The following ZDHHC7 variants were observed in gnomAD, a reference collection of about 807,000 sequenced individuals.
ZDHHC7 encodes zDHHC palmitoyltransferase 7, also known as palmitoyltransferase ZDHHC7.
Under a neutral mutation model 34.1 loss-of-function variants are expected in ZDHHC7, and 12 were observed. The ratio of observed to expected loss-of-function variants is 0.35; its 90% CI spans 0.23 to 0.57. The LOEUF (loss-of-function observed/expected upper bound fraction) is 0.57. Among genes scored for constraint, ZDHHC7 ranks in the 20% least tolerant of loss-of-function variants. The probability of loss-of-function intolerance (pLI) is 0.84; values close to 1 mark genes in which losing one functional copy is unlikely to be tolerated. For missense variants in ZDHHC7, 388 were observed against 402.7 expected (o/e 0.96, Z 0.31); for synonymous variants, 185 against 155.4 (o/e 1.19, Z -1.42).
intron 1 of ZDHHC7, among the ~76,000 whole-genome samples, chr16:84,998,688 G>C (rs2072615307): frequency 6.7e-6 from 1 of 148,778 alleles, no homozygotes; most frequent in Non-Finnish European, 1.5e-5. Flanking sequence ...CCAGGCCCTA[G>C]ACAAACACTG....
chr16:84,995,621 A>G (rs567897184), intron 2 of ZDHHC7, among the ~76,000 whole-genome samples: 19 of 151,198 alleles, frequency 1.3e-4, no homozygotes, highest in African/African-American at 3.9e-4. Context: ...CTGAGACTCC[A>G]TCTCAAAAAA....
chr16:85,027,329 G>A, the ZDHHC7 span, among the ~76,000 whole-genome samples: 2 of 151,964 alleles, frequency 1.3e-5, no homozygotes, highest in Non-Finnish European at 2.9e-5. Flanking sequence ...TGGTATGTTG[G>A]TTAATAACAT....
chr16:85,008,537 A>T (rs1285023620), intron 1 of ZDHHC7, among the ~76,000 whole-genome samples: 3 of 150,430 alleles, frequency 2.0e-5, no homozygotes, highest in Admixed American at 2.0e-4. Flanking sequence ...TGCAGTTGGT[A>T]TCACAAGTGA....
At chr16:85,004,491 C>A (rs970474092) in intron 1 of ZDHHC7, among the ~76,000 whole-genome samples, 1 of 152,190 alleles carries the variant, frequency 6.6e-6, no homozygotes, top group East Asian at 1.9e-4. Flanking sequence ...CCTCCCTAAG[C>A]TCATGCAATC....
At chr16:85,021,495 G>T in the ZDHHC7 span, among the ~76,000 whole-genome samples, 1 of 150,786 alleles carries the variant, frequency 6.6e-6, no homozygotes, top group African/African-American at 2.4e-5. Flanking sequence ...GATCAACTGC[G>T]GCCAGGAGTT....
chr16:84,986,167 CGAG>C (rs1474776199), intron 3 of ZDHHC7, among the ~76,000 whole-genome samples: 2 of 152,114 alleles, frequency 1.3e-5, no homozygotes, highest in Non-Finnish European at 2.9e-5. Flanking sequence ...ACGGCGTGGG[CGAG>C]GCCACCACAT....
the ZDHHC7 span, among the ~76,000 whole-genome samples, chr16:85,026,427 C>A: frequency 6.6e-6 from 1 of 152,130 alleles, no homozygotes; most frequent in Admixed American, 6.5e-5. Flanking sequence ...GTTCCAGCTT[C>A]ACATGCATGG....
chr16:84,988,832 T>C, intron 3 of ZDHHC7: 1 of 1,551,768 alleles, frequency 6.4e-7, no homozygotes, highest in Non-Finnish European at 8.7e-7. Flanking sequence ...CCAGCCCAGT[T>C]TTCACTGTGC....
chr16:84,993,603 C>G (rs550198673), intron 2 of ZDHHC7, among the ~76,000 whole-genome samples: 1 of 151,614 alleles, frequency 6.6e-6, no homozygotes, highest in Non-Finnish European at 1.5e-5. Flanking sequence ...AATCCCACCA[C>G]TGCAGTCCAG....
chr16:85,004,044 C>G (rs956418058), intron 1 of ZDHHC7, among the ~76,000 whole-genome samples: 2 of 152,132 alleles, frequency 1.3e-5, no homozygotes, highest in African/African-American at 4.8e-5. Context: ...AAAAAGATAT[C>G]TGGAAAACTC....
chr16:84,988,749 T>C (rs1448136529), intron 3 of ZDHHC7: 2 of 1,550,550 alleles, frequency 1.3e-6, no homozygotes, highest in Non-Finnish European at 8.7e-7. Flanking sequence ...CCCATGTGCC[T>C]ACCCCACACT....
At chr16:84,996,867 A>C (rs2072585522) in intron 1 of ZDHHC7, among the ~76,000 whole-genome samples, 1 of 152,068 alleles carries the variant, frequency 6.6e-6, no homozygotes, top group East Asian at 1.9e-4. Context: ...TCGCTACTAA[A>C]AATACAAAAA....
At position 84,974,638 on chromosome 16, in the gene ZDHHC7, C is replaced by T. The variant is rs997485990; in HGVS notation, c.*1705G>A. On this transcript the variant is annotated 3_prime_UTR_variant, in exon 8 of 8. Coordinates refer to ENST00000313732, the MANE Select transcript of ZDHHC7 (RefSeq NM_017740.3). Reference sequence around the variant, plus strand: ...ATTAAAAGCCTCACACTGAAGCCCACACGCATGTCCAACCCAGACAACAAT... The same window carrying T: ...ATTAAAAGCCTCACACTGAAGCCCATACGCATGTCCAACCCAGACAACAAT... 1 of 152,694 alleles carries T rather than the reference C, an allele frequency of 6.5e-6. No homozygotes were observed. Among genetic ancestry groups the T allele is most frequent in the African/African-American group, 2.4e-5 (1 of 41,448 alleles). 9.5% of individuals were successfully genotyped at this position (152,694 alleles called of 1,614,324 possible). A position where few individuals can be genotyped will look rare whatever the true frequency, so the allele number is the denominator to read the frequency against.
At chr16:84,990,976 A>T (rs2143645430) in intron 2 of ZDHHC7, among the ~76,000 whole-genome samples, 1 of 152,318 alleles carries the variant, frequency 6.6e-6, no homozygotes, top group East Asian at 1.9e-4. Context: ...GCTCTGCTGT[A>T]TCACTGCTGC....
intron 3 of ZDHHC7, among the ~76,000 whole-genome samples, chr16:84,985,738 T>C (rs1321374310): frequency 6.6e-6 from 1 of 151,958 alleles, no homozygotes; most frequent in Non-Finnish European, 1.5e-5. Flanking sequence ...GCGGATCACT[T>C]GAGGTCAAGA....
At chr16:85,027,594 A>G in the ZDHHC7 span, among the ~76,000 whole-genome samples, 1 of 151,986 alleles carries the variant, frequency 6.6e-6, no homozygotes, top group East Asian at 1.9e-4. Flanking sequence ...CGTACCCGAG[A>G]GCGCTCCCAC....
At chr16:85,017,710 G>A in the ZDHHC7 span, among the ~76,000 whole-genome samples, 1 of 152,166 alleles carries the variant, frequency 6.6e-6, no homozygotes, top group Non-Finnish European at 1.5e-5. Flanking sequence ...AAACACCAAT[G>A]GGACCTCAAC....
chr16:85,004,587 G>T (rs2072694580), intron 1 of ZDHHC7, among the ~76,000 whole-genome samples: 1 of 147,408 alleles, frequency 6.8e-6, no homozygotes, highest in African/African-American at 2.5e-5. Flanking sequence ...TCCATCTGGA[G>T]CCTGCTGGCC....
Position 84,975,852 on chromosome 16 carries a change from T to G in ZDHHC7, c.*491A>C. ...GTTCAGTGCACAGATCTTTTGCAACTTCAGTGCAAAGCATCGGAGCTAATC... is the reference window on the plus strand; with the variant it reads ...GTTCAGTGCACAGATCTTTTGCAACGTCAGTGCAAAGCATCGGAGCTAATC... On this transcript the variant is annotated 3_prime_UTR_variant, in exon 8 of 8. Coordinates refer to ENST00000313732, the MANE Select transcript of ZDHHC7 (RefSeq NM_017740.3). 5.9e-6 allele frequency: 1 copy of G among 168,532 alleles called. No homozygotes were observed. The highest frequency in any genetic ancestry group is 2.4e-5 in the African/African-American group (1 of 41,646). The allele number at this position is 168,532 out of a possible 1,614,324, so 10.4% of individuals were successfully genotyped here. A position where few individuals can be genotyped will look rare whatever the true frequency, so the allele number is the denominator to read the frequency against.
Sources: allele counts gnomAD v4.1 joint callset (sites outside exome capture counted in the v4.1 genomes callset), GRCh38; gene constraint gnomAD v4.1.1; transcripts MANE v1.5; gene names NCBI Gene and HGNC (gene_info 2026-07-23, HGNC 2026-07-21).